Variants in TRIM36 observed in about 807,000 individuals in gnomAD.
The protein encoded by TRIM36 is E3 ubiquitin-protein ligase TRIM36.
TRIM36 carries 42 observed loss-of-function variants against 72.4 expected under a neutral mutation model. That is an observed-to-expected ratio of 0.58 (90% confidence interval 0.45 to 0.75). The LOEUF (loss-of-function observed/expected upper bound fraction) is 0.75. TRIM36 is among the 30% of genes least tolerant of loss of function. The pLI, the probability that TRIM36 is intolerant of heterozygous loss-of-function variation, is 0.00. For synonymous variants in TRIM36, 315 were observed against 282.8 expected, an observed-to-expected ratio of 1.11 and a Z score of -1.14; for missense variants, 913 against 857.1, an observed-to-expected ratio of 1.07 and a Z score of -0.81.
At chr5:115,149,500 A>T (rs1258363488) in intron 2 of TRIM36, 1 of 150,752 alleles carries the variant, frequency 6.6e-6, no homozygotes, top group Non-Finnish European at 1.5e-5. Flanking sequence ...ATGAAAAGTA[A>T]ATAATGACAA....
rs1428146298 is a variant in TRIM36, at chr5:115,144,730, T to G, written c.603A>C (p.Pro201=). 2 of 1,612,824 alleles carry G rather than the reference T, an allele frequency of 1.2e-6. No homozygotes were observed. Among genetic ancestry groups the G allele is most frequent in the Admixed American group, 3.4e-5 (2 of 59,608 alleles). Reference sequence around the variant, plus strand: ...TGTTTATTCTCTCTGTTTCATGTTCTGGGCACATTAAAATCTATTGAGTAA... The same window carrying G: ...TGTTTATTCTCTCTGTTTCATGTTCGGGGCACATTAAAATCTATTGAGTAA... ...TNFRPKILMC[P]EHETERINMY... The change falls in exon 4 of 10, where the codon CCA becomes CCC. Residue 201 remains proline, a synonymous_variant. Coordinates refer to ENST00000513154, the MANE Select transcript of TRIM36 (RefSeq NM_001300759.2).
At chr5:115,177,413 C>T in intron 1 of TRIM36, 8 of 629,658 alleles carry the variant, frequency 1.3e-5, no homozygotes, top group Non-Finnish European at 1.6e-5. Flanking sequence ...AGGCCAACTA[C>T]AGGCCTCTAC....
chr5:115,152,064 G>T (rs1753922409), intron 2 of TRIM36, among the ~76,000 whole-genome samples: 1 of 152,136 alleles, frequency 6.6e-6, no homozygotes, highest in African/African-American at 2.4e-5. Context: ...AGGTTACTAA[G>T]CTAATCGAGG....
chr5:115,164,296 T>C (rs1008165745), intron 1 of TRIM36, among the ~76,000 whole-genome samples: 7 of 152,242 alleles, frequency 4.6e-5, no homozygotes, highest in Non-Finnish European at 4.4e-5. Flanking sequence ...TCTTCATTAA[T>C]GCCTGAGGTT....
At chr5:115,169,572 C>T in intron 1 of TRIM36, 36 bp downstream of exon 1, 2 of 1,502,358 alleles carry the variant, frequency 1.3e-6, no homozygotes, top group Non-Finnish European at 1.8e-6. Flanking sequence ...GGCACACCGC[C>T]CTCGAGGTGG....
chr5:115,148,236 A>T, intron 2 of TRIM36: 4 of 691,066 alleles, frequency 5.8e-6, no homozygotes, highest in Non-Finnish European at 5.3e-6. Flanking sequence ...AAATAATTTT[A>T]CAACATATAT....
chr5:115,146,903 TA>T (rs1334699011), intron 3 of TRIM36, among the ~76,000 whole-genome samples, 165 bp downstream of exon 3: 1 of 152,238 alleles, frequency 6.6e-6, no homozygotes, highest in Non-Finnish European at 1.5e-5. Flanking sequence ...AGCCCCATAG[TA>T]AGTAACTCCA....
At chr5:115,156,157 T>C (rs1214535598) in intron 2 of TRIM36, among the ~76,000 whole-genome samples, 2 of 151,980 alleles carry the variant, frequency 1.3e-5, no homozygotes, top group African/African-American at 2.4e-5. Context: ...CTGAAAGAAA[T>C]CATAGAAGAC....
chr5:115,124,817 A>G lies in TRIM36; in HGVS notation c.*1686T>C, dbSNP rs1752302840. The G allele has an allele frequency of 6.6e-6, 1 of 152,572 alleles. No individual in the cohort carries two copies. Among genetic ancestry groups the G allele is most frequent in the Non-Finnish European group, 1.5e-5 (1 of 67,966 alleles). The allele number at this position is 152,572 out of a possible 1,614,324, so 9.5% of individuals were successfully genotyped here. A position where few individuals can be genotyped will look rare whatever the true frequency, so the allele number is the denominator to read the frequency against. ...AAACACAGCTAAACAATTTATTTAC[A>G]ATTGCACAAGGTTTGAAACAGCTAT... On this transcript the variant is annotated 3_prime_UTR_variant, in exon 10 of 10. Transcript: ENST00000513154.
At chr5:115,148,415 C>CTTTTTTTTT (rs146223001) in intron 2 of TRIM36, 11 of 507,800 alleles carry the variant, frequency 2.2e-5, no homozygotes, top group East Asian at 4.5e-4. Context: ...TAAATCTGTT[C>CTTTTTTTTT]TTTTTTTTTT....
Position 115,169,624 on chromosome 5 carries a change from T to C in TRIM36, c.11A>G (p.Asp4Gly). 6.6e-7 allele frequency: 1 copy of C among 1,524,510 alleles called. No homozygotes were observed. Among genetic ancestry groups the C allele is most frequent in the Non-Finnish European group, 8.8e-7 (1 of 1,142,004 alleles). The allele number at this position is 1,524,510 out of a possible 1,614,324, so 94.4% of individuals were successfully genotyped here. The change falls in exon 1 of 10, where the codon GAT becomes GGT. Residue 4 changes from aspartate to glycine, a missense_variant. Asp to Gly is a moderately conservative substitution (Grantham distance 94). Coordinates refer to ENST00000513154, the MANE Select transcript of TRIM36 (RefSeq NM_001300759.2). ...CGCACTCACCGGCGAATCTGAGCCA[T>C]CGCCCTCCATGGCTGCCTTCTGCCA... MEG[D>G]GSDSPVTIKN...
In TRIM36 at chr5:115,147,458, A is replaced by T. The variant is rs562269601; in HGVS notation, c.263-64T>A. The stretch of plus-strand genomic sequence containing the variant: ...GGAAAATGATTAGAATGAAGAAAAG[A>T]GGAGTCATGTCTTAGAGACATATCT... On this transcript the variant is annotated intron_variant, in intron 2 of 9. Transcript: ENST00000513154. 8 of 1,524,542 alleles carry T rather than the reference A, an allele frequency of 5.2e-6. No individual in the cohort carries two copies. In the South Asian group the frequency reaches 6.2e-5, roughly 12 times the overall value. The allele number at this position is 1,524,542 out of a possible 1,614,324, so 94.4% of individuals were successfully genotyped here.
At chr5:115,140,077 T>C (rs3805594) in intron 5 of TRIM36, among the ~76,000 whole-genome samples, 7,526 of 152,178 alleles carry the variant, frequency 0.049, 228 homozygotes, top group East Asian at 0.078. Context: ...AACCCCAAAC[T>C]GCATGGAAAA....
Position 115,178,087 on chromosome 5 carries a change from G to A in TRIM36, c.63+1888C>T, listed in dbSNP as rs182553196. Among the ~76,000 whole-genome samples, 68 of 152,128 alleles carry A rather than the reference G, an allele frequency of 4.5e-4. No individual in the cohort carries two copies. In the Middle Eastern group the frequency reaches 0.01, roughly 23 times the overall value. On this transcript the variant is annotated intron_variant, in intron 1 of 9. Coordinates refer to the TRIM36 transcript ENST00000282369. ...CGTGTTCATAGGACATCCATCAGTC[G>A]GCTTCATGGTCACCTGGGCTGTTCT...
At chr5:115,159,335 T>TA (rs1160801543) in intron 2 of TRIM36, among the ~76,000 whole-genome samples, 1 of 152,236 alleles carries the variant, frequency 6.6e-6, no homozygotes, top group African/African-American at 2.4e-5. Context: ...TAAGTAAATG[T>TA]AAAGGATGTT....
At chr5:115,159,460 A>G (rs1261059362) in intron 2 of TRIM36, among the ~76,000 whole-genome samples, 1 of 152,246 alleles carries the variant, frequency 6.6e-6, no homozygotes, top group East Asian at 1.9e-4. Flanking sequence ...TTTTAAAAAC[A>G]TCAGAACTTG....
At chr5:115,155,165 G>C (rs1754104706) in intron 2 of TRIM36, among the ~76,000 whole-genome samples, 1 of 151,980 alleles carries the variant, frequency 6.6e-6, no homozygotes, top group South Asian at 2.1e-4. Context: ...CTTCAGCCTG[G>C]GCAACAAGAG....
At chr5:115,159,966 A>T (rs1754389693) in intron 2 of TRIM36, among the ~76,000 whole-genome samples, 1 of 152,104 alleles carries the variant, frequency 6.6e-6, no homozygotes, top group African/African-American at 2.4e-5. Flanking sequence ...GCAAATACAA[A>T]GTGAAATCAA....
In TRIM36 at chr5:115,169,887, A is replaced by C. The variant is rs952673741; in HGVS notation, c.-253T>G. ...GGAATCCCGCCCAGCTGCCGGCTGC[A>C]GCAGCGGCTCCTGCGGACTGCGGCT... is the stretch of plus-strand genomic sequence containing the variant. On this transcript the variant is annotated 5_prime_UTR_variant, in exon 1 of 10. Coordinates refer to ENST00000513154, the MANE Select transcript of TRIM36 (RefSeq NM_001300759.2). 14 of 1,303,734 alleles carry C rather than the reference A, an allele frequency of 1.1e-5. No individual in the cohort carries two copies. In the South Asian group the frequency reaches 1.3e-4, roughly 12 times the overall value. The allele number at this position is 1,303,734 out of a possible 1,614,324, so 80.8% of individuals were successfully genotyped here.
Sources: allele counts gnomAD v4.1 joint callset (sites outside exome capture counted in the v4.1 genomes callset), GRCh38; gene constraint gnomAD v4.1.1; transcripts MANE v1.5; gene names NCBI Gene and HGNC (gene_info 2026-07-23, HGNC 2026-07-21).